The following KIF27 variants were observed in gnomAD, a reference collection of about 807,000 sequenced individuals.
KIF27 encodes the protein kinesin-like protein KIF27.
A neutral mutation model predicts 141.8 loss-of-function variants in KIF27; 84 were observed. The observed-to-expected ratio is 0.59, with a 90% CI of 0.50 to 0.71. The LOEUF is 0.71. KIF27 is among the 30% of genes least tolerant of loss of function. The pLI, the probability that KIF27 is intolerant of heterozygous loss-of-function variation, is 0.00. For synonymous variants in KIF27, 471 were observed against 569.5 expected (o/e 0.83, Z 2.46); for missense variants, 1,306 against 1,628.4 (o/e 0.80, Z 3.41).
At chr9:83,841,484 T>G (rs1946561111) in intron 17 of KIF27, among the ~76,000 whole-genome samples, 1 of 152,198 alleles carries the variant, frequency 6.6e-6, no homozygotes, top group African/African-American at 2.4e-5. Flanking sequence ...TCTTTCCAGG[T>G]AAAAAATACA....
intron 2 of KIF27, among the ~76,000 whole-genome samples, chr9:83,913,245 A>G (rs1483619861): frequency 6.6e-6 from 1 of 152,220 alleles, no homozygotes; most frequent in African/African-American, 2.4e-5. Flanking sequence ...ACATTTTAAA[A>G]TAAGAGAGTT....
chr9:83,920,573 G>A (rs1404146681), intron 1 of KIF27, among the ~76,000 whole-genome samples: 1 of 152,096 alleles, frequency 6.6e-6, no homozygotes, highest in Non-Finnish European at 1.5e-5. Context: ...TGTGTGGTTT[G>A]TTAATTATTT....
At chr9:83,848,443 G>GCTATATGTATATATCTATAT (rs1948094503) in intron 16 of KIF27, among the ~76,000 whole-genome samples, 2 of 134,414 alleles carry the variant, frequency 1.5e-5, no homozygotes, top group Admixed American at 1.5e-4. Context: ...TATCATATAT[G>GCTATATGTATATATCTATAT]CTATATGTAT....
intron 11 of KIF27, among the ~76,000 whole-genome samples, chr9:83,878,385 CTACTCCTAGGTACA>C (rs938485528): frequency 5.3e-5 from 8 of 152,052 alleles, no homozygotes; most frequent in South Asian, 2.1e-4. Context: ...CCCAGAAATT[CTACTCCTAGGTACA>C]TACTCCTAGG....
intron 14 of KIF27, among the ~76,000 whole-genome samples, chr9:83,855,617 C>T (rs898930160): frequency 6.0e-4 from 91 of 152,094 alleles, no homozygotes; most frequent in African/African-American, 1.8e-3. Flanking sequence ...CAATACATAA[C>T]GAAACAAATT....
At chr9:83,838,539 C>T (rs1171382576) in intron 17 of KIF27, among the ~76,000 whole-genome samples, 1 of 152,166 alleles carries the variant, frequency 6.6e-6, no homozygotes, top group East Asian at 1.9e-4. Flanking sequence ...CTGGCCCAGT[C>T]CTGCCAAGAC....
chr9:83,867,212 G>A (rs374896756), intron 13 of KIF27, among the ~76,000 whole-genome samples: 8 of 152,128 alleles, frequency 5.3e-5, no homozygotes, highest in South Asian at 2.1e-4. Context: ...CAAATAATAC[G>A]CTATTGTATG....
chr9:83,902,758 A>G (rs1209831610), intron 4 of KIF27, among the ~76,000 whole-genome samples: 4 of 152,204 alleles, frequency 2.6e-5, no homozygotes, highest in African/African-American at 9.6e-5. Context: ...ATACACTTTA[A>G]CCAAAGGAGA....
chr9:83,888,643 C>T lies in KIF27; in HGVS notation c.1980-51G>A, dbSNP rs1457296205. On this transcript the variant is annotated intron_variant, in intron 7 of 17. Transcript: ENST00000297814. ...TTATTTGTTCGTGTTTTCTAATCTG[C>T]CCTCAAATTAGTTTCCCCGAAAAGT... 5 of 1,047,430 alleles carry T rather than the reference C, an allele frequency of 4.8e-6. No individual in the cohort carries two copies. The South Asian group carries it at 6.1e-5, about 13-fold the overall frequency. The allele number at this position is 1,047,430 out of a possible 1,614,324, so 64.9% of individuals were successfully genotyped here. A position where few individuals can be genotyped will look rare whatever the true frequency, so the allele number is the denominator to read the frequency against.
At chr9:83,838,295 G>T (rs1392281996) in intron 17 of KIF27, among the ~76,000 whole-genome samples, 1 of 151,864 alleles carries the variant, frequency 6.6e-6, no homozygotes, top group Non-Finnish European at 1.5e-5. Flanking sequence ...GTGCAGTGGC[G>T]TGATCTCGGC....
Position 83,903,552 on chromosome 9 carries a change from G to A in KIF27, c.966C>T (p.Ser322=). 1 of 1,614,164 alleles carries A rather than the reference G, an allele frequency of 6.2e-7. No homozygotes were observed. The highest frequency in any genetic ancestry group is 2.2e-5 in the East Asian group (1 of 44,880). ...AATTTAAGGACTCATCAAAATTCGA[G>A]GAGGAGGGGCTGACACATGTGATCA... ...TVMITCVSPS[S]SNFDESLNSL... The change falls in exon 4 of 18, where the codon TCC becomes TCT. Residue 322 remains serine, a synonymous_variant. Transcript: ENST00000297814.
chr9:83,903,223 T>G lies in KIF27; in HGVS notation c.1295A>C (p.Asn432Thr), dbSNP rs370980782. Residue 432 changes from asparagine (N) to threonine (T), a missense_variant, in exon 4 of 18, where the codon AAC becomes ACC. Physicochemically the swap from Asn to Thr is moderately conservative, Grantham distance 65 (BLOSUM62 0). This residue lies in a region of KIF27 where 533 missense variants were observed against 565.6 expected (regional missense o/e 0.94). Coordinates refer to ENST00000297814, the MANE Select transcript of KIF27 (RefSeq NM_017576.4). Reference protein sequence around the residue: ...LVDLKDTVRLNEKQQHKLQEW... With the variant: ...LVDLKDTVRLTEKQQHKLQEW... ...CTGCAGTTTGTGTTGCTGCTTTTCG[T>G]TTAGTCTGACAGTATCTTTTAGGTC... The G allele has an allele frequency of 6.2e-6, 10 of 1,614,042 alleles. No homozygotes were observed. In the African/African-American group the frequency reaches 9.3e-5, roughly 15 times the overall value.
At chr9:83,915,987 T>C (rs1955639368) in intron 1 of KIF27, among the ~76,000 whole-genome samples, 1 of 152,158 alleles carries the variant, frequency 6.6e-6, no homozygotes, top group South Asian at 2.1e-4. Context: ...TTAATCTAAA[T>C]ATTAAATAAC....
intron 11 of KIF27, among the ~76,000 whole-genome samples, chr9:83,879,512 T>C (rs62564760): frequency 0.17 from 26,498 of 151,634 alleles, 2,869 homozygotes; most frequent in Non-Finnish European, 0.24. Flanking sequence ...TTTTAAAATA[T>C]CTAGGAAATC....
At chr9:83,914,770 C>T (rs1955526484) in intron 2 of KIF27, among the ~76,000 whole-genome samples, 1 of 152,116 alleles carries the variant, frequency 6.6e-6, no homozygotes. Flanking sequence ...TTCCAAGGTT[C>T]CCTTCAGCTC....
chr9:83,845,535 G>A (rs1947158164), intron 16 of KIF27, among the ~76,000 whole-genome samples: 1 of 152,170 alleles, frequency 6.6e-6, no homozygotes, highest in Non-Finnish European at 1.5e-5. Context: ...CAGCTGACAG[G>A]GGAAGAGAAG....
intron 13 of KIF27, chr9:83,863,592 T>G (rs1323229405): frequency 1.3e-5 from 2 of 152,332 alleles, no homozygotes; most frequent in South Asian, 2.1e-4. Flanking sequence ...ATTTTATTGA[T>G]GATTTTTGCA....
intron 5 of KIF27, among the ~76,000 whole-genome samples, chr9:83,891,814 A>C (rs1952710763): frequency 6.6e-6 from 1 of 152,260 alleles, no homozygotes; most frequent in South Asian, 2.1e-4. Flanking sequence ...TCTTTATTAA[A>C]GTATGGACTT....
In KIF27 at chr9:83,848,327, A is replaced by G. The variant is rs192733645; in HGVS notation, c.3556+1772T>C. Among the ~76,000 whole-genome samples the G allele has an allele frequency of 6.2e-3, 577 of 92,850 alleles. 30 individuals are homozygous for G. The highest frequency in any genetic ancestry group is 0.033 in the Middle Eastern group (4 of 122). The allele number at this position is 92,850 out of a possible 152,430, so 60.9% of individuals were successfully genotyped here. A position where few individuals can be genotyped will look rare whatever the true frequency, so the allele number is the denominator to read the frequency against. On this transcript the variant is annotated intron_variant, in intron 16 of 17. Transcript: ENST00000297814. ...TATATATGATATATCATATATCTAT[A>G]TATCTATATATATCTATGTATCTAT...
Sources: gnomAD v4.1 joint callset for allele counts (sites outside exome capture counted in the v4.1 genomes callset) on GRCh38, gnomAD v4.1.1 for gene constraint, gnomAD v4.1.1 regional missense constraint, MANE v1.5 for transcripts, NCBI Gene and HGNC (gene_info 2026-07-23, HGNC 2026-07-21) for gene names.